Variants in MCM5 observed in about 807,000 individuals in gnomAD.
The protein encoded by MCM5 is DNA replication licensing factor MCM5.
MCM5 carries 46 observed loss-of-function variants against 79.9 expected under a neutral mutation model. That is an observed-to-expected ratio of 0.58 (90% CI 0.45 to 0.74). The LOEUF (loss-of-function observed/expected upper bound fraction) is 0.74. Ranked by LOEUF, MCM5 falls within the 30% of genes least tolerant of loss-of-function variation. The pLI is 0.00. For missense variants in MCM5, 883 were observed against 1,017.0 expected (o/e 0.87, Z 1.79); for synonymous variants, 404 against 390.5 (o/e 1.03, Z -0.41).
rs1932531532 is a variant in MCM5, at chr22:35,416,070, A to T, written c.1347+98A>T. On this transcript the variant is annotated intron_variant, in intron 10 of 16. Transcript: ENST00000216122. ...GCAGAAATCACCTCTGACTTGGGAG[A>T]CATGTTTTCAATCCCTGGGCCGGTC... 4.8e-6 allele frequency: 7 copies of T among 1,453,274 alleles called. No homozygotes were observed. The East Asian group carries it at 1.6e-4, about 33-fold the overall frequency. 90.0% of individuals were successfully genotyped at this position (1,453,274 alleles called of 1,614,324 possible). A position where few individuals can be genotyped will look rare whatever the true frequency, so the allele number is the denominator to read the frequency against.
chr22:35,438,628 C>CACCCACATATTCATCCATCCATCT, the MCM5 span, among the ~76,000 whole-genome samples: 3 of 150,118 alleles, frequency 2.0e-5, no homozygotes, highest in African/African-American at 2.4e-5. Context: ...TCCATCCATC[C>CACCCACATATTCATCCATCCATCT]ACCCACATAT....
chr22:35,406,296 A>ACACCC (rs1555903415), intron 4 of MCM5, among the ~76,000 whole-genome samples: 1 of 120,922 alleles, frequency 8.3e-6, no homozygotes, highest in Non-Finnish European at 1.7e-5. Context: ...TTGCCCTGCC[A>ACACCC]CCTCCCCCCC....
At chr22:35,404,458 C>T (rs1402127308) in intron 4 of MCM5, among the ~76,000 whole-genome samples, 1 of 152,134 alleles carries the variant, frequency 6.6e-6, no homozygotes, top group African/African-American at 2.4e-5. Flanking sequence ...TGAAGGCCTC[C>T]TTGGGGTGGT....
At chr22:35,453,819 T>TATATAGAGAGAGAG in the MCM5 span, among the ~76,000 whole-genome samples, 166 of 81,512 alleles carry the variant, frequency 2.0e-3, no homozygotes, top group African/African-American at 7.9e-3. Flanking sequence ...TATATATATA[T>TATATAGAGAGAGAG]AGAGAGAGAG....
chr22:35,408,596 C>T (rs187898314), intron 6 of MCM5, 33 bp downstream of exon 6: 26 of 1,589,254 alleles, frequency 1.6e-5, no homozygotes, highest in African/African-American at 1.1e-4. Context: ...TGGGCATCTA[C>T]GACGGTGGAT....
chr22:35,453,340 G>A, the MCM5 span, among the ~76,000 whole-genome samples: 6 of 98,120 alleles, frequency 6.1e-5, no homozygotes, highest in Non-Finnish European at 1.2e-4. Flanking sequence ...CAGAGACAAC[G>A]GGGCTGAGCA....
At chr22:35,435,518 G>A in the MCM5 span, among the ~76,000 whole-genome samples, 5 of 152,216 alleles carry the variant, frequency 3.3e-5, no homozygotes, top group Admixed American at 1.3e-4. Flanking sequence ...CAACTCCCCC[G>A]TTGCTATGGT....
At chr22:35,413,128 C>T (rs1015344440) in intron 8 of MCM5, among the ~76,000 whole-genome samples, 5 of 151,312 alleles carry the variant, frequency 3.3e-5, no homozygotes, top group South Asian at 2.1e-4. Context: ...CTGCAAGCTC[C>T]GCCTCTTGGG....
At chr22:35,447,142 G>A in the MCM5 span, among the ~76,000 whole-genome samples, 3 of 152,156 alleles carry the variant, frequency 2.0e-5, no homozygotes, top group South Asian at 2.1e-4. Flanking sequence ...CGGGCTTCCC[G>A]GCTCTGGGTG....
Position 35,403,505 on chromosome 22 carries a change from A to G in MCM5, c.386A>G (p.Lys129Arg), listed in dbSNP as rs369681288. The change falls in exon 4 of 17, where the codon AAG becomes AGG. Residue 129 changes from lysine to arginine, a missense_variant. Physicochemically the swap from Lys to Arg is conservative, Grantham distance 26. This residue lies in a region of MCM5 where 455 missense variants were observed against 517.5 expected (regional missense o/e 0.88). Coordinates refer to ENST00000216122, the MANE Select transcript of MCM5 (RefSeq NM_006739.4). ...CTCCAGGACATCCAGGTCATGCTCA[A>G]GTCGGACGCCAGCCCTTCCAGCATT... The part of the protein sequence containing the change: ...EVLQDIQVML[K>R]SDASPSSIRS... 10 of 1,614,012 alleles carry G rather than the reference A, an allele frequency of 6.2e-6. No homozygotes were observed. In the East Asian group the frequency reaches 1.1e-4, roughly 18 times the overall value.
chr22:35,402,302 C>T (rs149603884), intron 2 of MCM5, among the ~76,000 whole-genome samples: 255 of 151,476 alleles, frequency 1.7e-3, no homozygotes, highest in African/African-American at 5.9e-3. Context: ...TGCCTTGGTG[C>T]CTCCAGTTTT....
At chr22:35,448,016 A>G in the MCM5 span, among the ~76,000 whole-genome samples, 3 of 151,838 alleles carry the variant, frequency 2.0e-5, no homozygotes, top group Non-Finnish European at 2.9e-5. Flanking sequence ...AGAAACAACA[A>G]CGCCCTTTCC....
chr22:35,406,727 T>G lies in MCM5; in HGVS notation c.596+2T>G. 1 of 1,605,934 alleles carries G rather than the reference T, an allele frequency of 6.2e-7. No homozygotes were observed. The highest frequency in any genetic ancestry group is 8.5e-7 in the Non-Finnish European group (1 of 1,179,844). On this transcript the variant is annotated splice_donor_variant, in intron 5 of 16. Transcript: ENST00000216122. LOFTEE classifies it high-confidence loss of function. The stretch of plus-strand genomic sequence containing the variant: ...TGCCCTGCCCAGGAAGTGCAACACG[T>G]GAGTCTGTGGCCCAGAGGGACTGTG...
the MCM5 span, among the ~76,000 whole-genome samples, chr22:35,449,625 C>T: frequency 1.3e-5 from 2 of 152,204 alleles, no homozygotes; most frequent in Admixed American, 1.3e-4. Flanking sequence ...TCTTTCTGCC[C>T]CTGCTGTGGC....
chr22:35,420,083 C>T, intron 14 of MCM5, 71 bp downstream of exon 14: 3 of 1,516,968 alleles, frequency 2.0e-6, no homozygotes, highest in East Asian at 2.4e-5. Flanking sequence ...GCTTGGCAAC[C>T]AGGGGCAGTG....
At chr22:35,423,071 C>G in intron 15 of MCM5, 143 bp from the exon 16 acceptor site, 1 of 832,840 alleles carries the variant, frequency 1.2e-6, no homozygotes, top group East Asian at 2.8e-5. Context: ...CAGGCCTGCA[C>G]CACCCTGGCA....
At chr22:35,426,637 T>C (rs1338887104), downstream of MCM5, among the ~76,000 whole-genome samples, 1 of 152,192 alleles carries the variant, frequency 6.6e-6, no homozygotes, top group East Asian at 1.9e-4. Flanking sequence ...AGCAGTACAG[T>C]AGCCCTTTCA....
chr22:35,428,471 A>G (rs1932791780), downstream of MCM5, among the ~76,000 whole-genome samples: 1 of 151,788 alleles, frequency 6.6e-6, no homozygotes, highest in Non-Finnish European at 1.5e-5. Context: ...GGATTAAAGG[A>G]GTTAACAGCC....
chr22:35,439,589 G>T, the MCM5 span, among the ~76,000 whole-genome samples: 2 of 152,260 alleles, frequency 1.3e-5, no homozygotes, highest in East Asian at 3.9e-4. Flanking sequence ...ACTAGTTAAT[G>T]TAACATACTT....
Sources: allele counts gnomAD v4.1 joint callset (sites outside exome capture counted in the v4.1 genomes callset), GRCh38; gene constraint gnomAD v4.1.1; regional missense constraint gnomAD v4.1.1; transcripts MANE v1.5; gene names NCBI Gene and HGNC (gene_info 2026-07-23, HGNC 2026-07-21).